The following SGMS1 variants were observed in gnomAD, a reference collection of about 807,000 sequenced individuals.
SGMS1 encodes phosphatidylcholine:ceramide cholinephosphotransferase 1.
A neutral mutation model predicts 46.2 loss-of-function variants in SGMS1; 13 were observed. The ratio of observed to expected loss-of-function variants is 0.28; its 90% CI spans 0.18 to 0.45. The LOEUF is 0.45. Among genes scored for constraint, SGMS1 ranks in the 20% least tolerant of loss-of-function variants. The pLI is 1.00. For synonymous variants in SGMS1, 203 were observed against 187.8 expected, an observed-to-expected ratio of 1.08 and a Z score of -0.66; for missense variants, 324 against 519.9, an observed-to-expected ratio of 0.62 and a Z score of 3.66.
chr10:50,443,156 AC>A (rs1849566413), intron 5 of SGMS1, among the ~76,000 whole-genome samples: 4 of 152,228 alleles, frequency 2.6e-5, no homozygotes, highest in Admixed American at 2.6e-4. Context: ...TAATAGCTAG[AC>A]TAGCACTTAG....
At chr10:50,479,250 G>A (rs1837455397) in intron 3 of SGMS1, among the ~76,000 whole-genome samples, 1 of 152,168 alleles carries the variant, frequency 6.6e-6, no homozygotes, top group South Asian at 2.1e-4. Context: ...TCAGCCAAAA[G>A]ATAAGTGTCC....
chr10:50,434,041 T>C (rs1168090379), intron 5 of SGMS1, among the ~76,000 whole-genome samples: 1 of 152,244 alleles, frequency 6.6e-6, no homozygotes, highest in Non-Finnish European at 1.5e-5. Flanking sequence ...AAAGGCATTA[T>C]ACCAGAACTA....
intron 3 of SGMS1, among the ~76,000 whole-genome samples, chr10:50,495,463 G>C (rs925428131): frequency 6.6e-6 from 1 of 152,032 alleles, no homozygotes; most frequent in African/African-American, 2.4e-5. Context: ...GTTAAATTCT[G>C]TAAAAAGACT....
At position 50,307,134 on chromosome 10, in the gene SGMS1, T is replaced by C. The variant is rs763387882; in HGVS notation, c.*8A>G. On this transcript the variant is annotated 3_prime_UTR_variant, in exon 11 of 11. Transcript: ENST00000361781. The surrounding 1 kb of genome is among the most constrained non-coding windows in gnomAD (Gnocchi z 4.2). ...GACAATTTGTCTTTTCCCCACTTTG[T>C]ACAGCTGTTATGTGTCATTCACCAG... is the stretch of plus-strand genomic sequence containing the variant. 2 of 1,612,780 alleles carry C rather than the reference T, an allele frequency of 1.2e-6. No individual in the cohort carries two copies. Among genetic ancestry groups the C allele is most frequent in the Admixed American group, 3.3e-5 (2 of 59,888 alleles).
chr10:50,430,613 T>A (rs1161210720), intron 6 of SGMS1, among the ~76,000 whole-genome samples: 1 of 152,154 alleles, frequency 6.6e-6, no homozygotes, highest in Non-Finnish European at 1.5e-5. Flanking sequence ...GGTACTTTAA[T>A]AAAAAGGCAT....
At chr10:50,607,194 G>C (rs996665051) in intron 1 of SGMS1, among the ~76,000 whole-genome samples, 1 of 150,582 alleles carries the variant, frequency 6.6e-6, no homozygotes, top group African/African-American at 2.4e-5. Context: ...TCTTGTCAAG[G>C]CTGGTCTCAA....
intron 6 of SGMS1, among the ~76,000 whole-genome samples, chr10:50,373,047 A>G (rs1190204182): frequency 6.6e-6 from 1 of 152,244 alleles, no homozygotes; most frequent in East Asian, 1.9e-4. Context: ...CATAAAATTT[A>G]GCCTTCATTC....
Position 50,623,698 on chromosome 10 carries a change from A to G in SGMS1, c.-684+9T>C. On this transcript the variant is annotated intron_variant, in intron 1 of 10. Coordinates refer to ENST00000361781, the MANE Select transcript of SGMS1 (RefSeq NM_147156.4). ...GAGGCCGGCTGTCTGTCCCTGCCCC[A>G]CGACTCACTTGCACTGGAGTCACGG... The G allele has an allele frequency of 1.0e-6, 1 of 985,190 alleles. No individual in the cohort carries two copies. Among genetic ancestry groups the G allele is most frequent in the Non-Finnish European group, 1.2e-6 (1 of 829,862 alleles). The allele number at this position is 985,190 out of a possible 1,614,324, so 61.0% of individuals were successfully genotyped here.
chr10:50,612,828 G>A (rs1362026345), intron 1 of SGMS1, among the ~76,000 whole-genome samples: 1 of 152,164 alleles, frequency 6.6e-6, no homozygotes, highest in Admixed American at 6.5e-5. Flanking sequence ...CCTGCCTCGG[G>A]CTCCTGAGTA....
At chr10:50,534,831 GTTCTCA>G (rs1241530025) in intron 2 of SGMS1, among the ~76,000 whole-genome samples, 2 of 152,186 alleles carry the variant, frequency 1.3e-5, no homozygotes, top group Non-Finnish European at 1.5e-5. Flanking sequence ...TGATAGCTGT[GTTCTCA>G]CACCTTTCTT....
chr10:50,526,370 C>T (rs78771783), intron 2 of SGMS1, among the ~76,000 whole-genome samples: 5 of 152,196 alleles, frequency 3.3e-5, no homozygotes, highest in Admixed American at 1.3e-4. Flanking sequence ...TATCTGCCCC[C>T]ATGATCCAAT....
intron 6 of SGMS1, among the ~76,000 whole-genome samples, chr10:50,366,426 T>C (rs1848345519): frequency 6.6e-6 from 1 of 152,168 alleles, no homozygotes; most frequent in African/African-American, 2.4e-5. Flanking sequence ...AGAAATGCCA[T>C]TTGACCCAGC....
intron 8 of SGMS1, among the ~76,000 whole-genome samples, chr10:50,321,912 T>C (rs1350511977): frequency 6.6e-6 from 1 of 152,184 alleles, no homozygotes; most frequent in East Asian, 1.9e-4. Context: ...ATGGTTGACA[T>C]TACAGTTCAG....
chr10:50,599,875 A>AAAAG (rs1017841776), intron 1 of SGMS1, among the ~76,000 whole-genome samples: 3 of 152,202 alleles, frequency 2.0e-5, no homozygotes, highest in Non-Finnish European at 4.4e-5. Flanking sequence ...AAAATTTTAA[A>AAAAG]AAAGAAAGAA....
chr10:50,423,790 T>C (rs975249356), intron 6 of SGMS1, among the ~76,000 whole-genome samples: 14 of 152,238 alleles, frequency 9.2e-5, no homozygotes, highest in Non-Finnish European at 1.9e-4. Flanking sequence ...GTCAATGAAA[T>C]ATAATGCTGA....
intron 6 of SGMS1, among the ~76,000 whole-genome samples, chr10:50,372,544 A>G (rs2133448713): frequency 1.3e-5 from 2 of 152,222 alleles, no homozygotes; most frequent in South Asian, 4.2e-4. Context: ...AATATAAAAA[A>G]TTAGCCGGGT....
At chr10:50,361,308 C>T (rs1232689496) in intron 6 of SGMS1, among the ~76,000 whole-genome samples, 2 of 152,034 alleles carry the variant, frequency 1.3e-5, no homozygotes. Flanking sequence ...CCCACCACTC[C>T]TTGATCCCTC....
intron 1 of SGMS1, among the ~76,000 whole-genome samples, chr10:50,596,253 C>T (rs4519042): frequency 0.16 from 24,754 of 151,564 alleles, 2,453 homozygotes; most frequent in East Asian, 0.29. Flanking sequence ...CTCAGCTCAC[C>T]GCAACCTGCG....
chr10:50,591,892 C>T (rs138911732), intron 1 of SGMS1, among the ~76,000 whole-genome samples: 6 of 152,340 alleles, frequency 3.9e-5, no homozygotes, highest in African/African-American at 1.4e-4. Flanking sequence ...ATTCTGTAGA[C>T]ACAGAGAGTT....
Sources: allele counts gnomAD v4.1 joint callset (sites outside exome capture counted in the v4.1 genomes callset), GRCh38; gene constraint gnomAD v4.1.1; non-coding constraint Gnocchi (gnomAD v3.1); transcripts MANE v1.5; gene names NCBI Gene and HGNC (gene_info 2026-07-23, HGNC 2026-07-21).